Variants in PLPP4 observed in about 807,000 individuals in gnomAD.
PLPP4 encodes the protein phospholipid phosphatase 4.
A neutral mutation model predicts 32.2 loss-of-function variants in PLPP4; 20 were observed. The ratio of observed to expected loss-of-function variants is 0.62; its 90% CI spans 0.44 to 0.90. PLPP4 has a LOEUF of 0.90. Ranked by LOEUF, PLPP4 falls within the 40% of genes least tolerant of loss-of-function variation. The pLI, the probability that PLPP4 is intolerant of heterozygous loss-of-function variation, is 0.00. For missense variants in PLPP4, 257 were observed against 353.1 expected (o/e 0.73, Z 2.18); for synonymous variants, 127 against 133.0 (o/e 0.95, Z 0.31).
intron 1 of PLPP4, among the ~76,000 whole-genome samples, chr10:120,485,901 T>C (rs1040760055): frequency 4.6e-5 from 7 of 152,110 alleles, no homozygotes; most frequent in African/African-American, 1.7e-4. Flanking sequence ...GTGATATTTT[T>C]AAAAGCTCAA....
chr10:120,502,726 C>A (rs761287672), intron 1 of PLPP4, among the ~76,000 whole-genome samples: 1 of 152,174 alleles, frequency 6.6e-6, no homozygotes, highest in Non-Finnish European at 1.5e-5. Flanking sequence ...GAGACTGGGA[C>A]GGCTTTAGGG....
intron 2 of PLPP4, among the ~76,000 whole-genome samples, chr10:120,506,233 C>G (rs966296): frequency 0.46 from 69,449 of 151,580 alleles, 16,186 homozygotes; most frequent in East Asian, 0.62. Flanking sequence ...TGATAAATTT[C>G]ATTCATTTGG....
chr10:120,509,026 C>G (rs1845619535), intron 2 of PLPP4, among the ~76,000 whole-genome samples: 1 of 152,228 alleles, frequency 6.6e-6, no homozygotes, highest in African/African-American at 2.4e-5. Flanking sequence ...TTGCCATTCA[C>G]TAGCTATGCA....
At chr10:120,490,816 A>G (rs930841044) in intron 1 of PLPP4, among the ~76,000 whole-genome samples, 15 of 152,232 alleles carry the variant, frequency 9.9e-5, no homozygotes, top group African/African-American at 3.6e-4. Flanking sequence ...CTCAGATGAC[A>G]TTACAAGGAA....
intron 5 of PLPP4, among the ~76,000 whole-genome samples, chr10:120,558,767 C>A (rs1432834830): frequency 6.6e-6 from 1 of 151,466 alleles, no homozygotes; most frequent in Non-Finnish European, 1.5e-5. Context: ...ATGACTATAC[C>A]TCAATTTAAA....
chr10:120,538,092 A>C (rs1847150122), intron 5 of PLPP4, among the ~76,000 whole-genome samples: 1 of 44,692 alleles, frequency 2.2e-5, no homozygotes, highest in African/African-American at 8.3e-5. Flanking sequence ...GTGTTTTCAG[A>C]TTCATATCTA....
chr10:120,462,589 C>T (rs1395054563), intron 1 of PLPP4, among the ~76,000 whole-genome samples: 1 of 152,218 alleles, frequency 6.6e-6, no homozygotes, highest in Non-Finnish European at 1.5e-5. Flanking sequence ...TCGGTGCCTC[C>T]TGACTCAGTT....
chr10:120,463,368 A>G (rs1248561400), intron 1 of PLPP4, among the ~76,000 whole-genome samples: 1 of 152,186 alleles, frequency 6.6e-6, no homozygotes, highest in Non-Finnish European at 1.5e-5. Context: ...AAAGAGCTAT[A>G]ACAAAAGACC....
intron 5 of PLPP4, among the ~76,000 whole-genome samples, chr10:120,561,806 T>C (rs1422351816): frequency 1.3e-5 from 2 of 152,220 alleles, no homozygotes; most frequent in Non-Finnish European, 2.9e-5. Flanking sequence ...AAGTGACACA[T>C]GCCAGTTATA....
At chr10:120,556,700 A>G (rs142846523) in intron 5 of PLPP4, among the ~76,000 whole-genome samples, 2 of 152,328 alleles carry the variant, frequency 1.3e-5, no homozygotes, top group African/African-American at 4.8e-5. Flanking sequence ...GGAAAACCCT[A>G]TAAGATGGAT....
intron 5 of PLPP4, among the ~76,000 whole-genome samples, chr10:120,534,512 A>C (rs1398993778): frequency 6.6e-6 from 1 of 151,744 alleles, no homozygotes; most frequent in African/African-American, 2.4e-5. Context: ...TTCAGCCATT[A>C]TTTCTTTGCG....
At chr10:120,559,272 A>G (rs1848307731) in intron 5 of PLPP4, among the ~76,000 whole-genome samples, 2 of 150,212 alleles carry the variant, frequency 1.3e-5, no homozygotes, top group Non-Finnish European at 3.0e-5. Flanking sequence ...CTTGTGGCAA[A>G]TATCTCCCTT....
intron 5 of PLPP4, among the ~76,000 whole-genome samples, chr10:120,568,396 A>G (rs919543053): frequency 6.6e-6 from 1 of 152,134 alleles, no homozygotes; most frequent in Non-Finnish European, 1.5e-5. Flanking sequence ...AGTTGAGGCT[A>G]CTCGTTTAGA....
intron 2 of PLPP4, among the ~76,000 whole-genome samples, chr10:120,513,167 C>T (rs972777369): frequency 7.9e-5 from 12 of 152,208 alleles, no homozygotes; most frequent in African/African-American, 2.7e-4. Context: ...GTCCCCAAAT[C>T]CTAGCCTCGC....
At chr10:120,496,589 C>T (rs980322606) in intron 1 of PLPP4, among the ~76,000 whole-genome samples, 5 of 152,202 alleles carry the variant, frequency 3.3e-5, no homozygotes, top group African/African-American at 1.2e-4. Flanking sequence ...AACCTCAACA[C>T]CCAATTCCAC....
chr10:120,459,058 T>TC (rs980163994), intron 1 of PLPP4, among the ~76,000 whole-genome samples: 5 of 151,842 alleles, frequency 3.3e-5, no homozygotes, highest in Non-Finnish European at 7.4e-5. Flanking sequence ...CCTTCCAATA[T>TC]CCCCCCCAAA....
chr10:120,518,486 T>C (rs913102), intron 3 of PLPP4, among the ~76,000 whole-genome samples: 150,177 of 152,308 alleles, frequency 0.99, 74,055 homozygotes, highest in East Asian at 1. Flanking sequence ...ATGTTTCTTG[T>C]TACCAGTAAA....
chr10:120,563,342 C>T (rs112717158), intron 5 of PLPP4, among the ~76,000 whole-genome samples: 2 of 152,126 alleles, frequency 1.3e-5, no homozygotes, highest in Admixed American at 1.3e-4. Flanking sequence ...ACTTGAATAT[C>T]ATAGTTAACA....
chr10:120,460,992 C>T (rs1400187790), intron 1 of PLPP4, among the ~76,000 whole-genome samples: 3 of 152,186 alleles, frequency 2.0e-5, no homozygotes, highest in Non-Finnish European at 4.4e-5. Flanking sequence ...CCCAGGCTTC[C>T]AGACTGGTGC....
Sources: gnomAD v4.1 joint callset for allele counts (sites outside exome capture counted in the v4.1 genomes callset) on GRCh38, gnomAD v4.1.1 for gene constraint, MANE v1.5 for transcripts, NCBI Gene and HGNC (gene_info 2026-07-23, HGNC 2026-07-21) for gene names.